SP100: variants seen among roughly 807,000 people sequenced by gnomAD.
SP100 encodes the protein SP100 nuclear body protein.
In SP100, 84 loss-of-function variants were observed where a neutral mutation model predicts 130.0. That is an observed-to-expected ratio of 0.65 (90% CI 0.54 to 0.77). The LOEUF (loss-of-function observed/expected upper bound fraction) is 0.77. Among genes scored for constraint, SP100 ranks in the 30% least tolerant of loss-of-function variants. The pLI, the probability that SP100 is intolerant of heterozygous loss-of-function variation, is 0.00. For synonymous variants in SP100, 331 were observed against 351.7 expected, an observed-to-expected ratio of 0.94 and a Z score of 0.66; for missense variants, 978 against 1,052.2, an observed-to-expected ratio of 0.93 and a Z score of 0.97.
chr2:230,536,771 T>C (rs577532384), intron 24 of SP100, among the ~76,000 whole-genome samples: 26 of 60,438 alleles, frequency 4.3e-4, no homozygotes, highest in Admixed American at 2.0e-3. Context: ...GCAATACTCA[T>C]TGTCTCAGTG....
chr2:230,534,842 T>C (rs1102957), intron 24 of SP100, among the ~76,000 whole-genome samples: 121,765 of 152,156 alleles, frequency 0.8, 49,338 homozygotes, highest in Middle Eastern at 0.91. Context: ...TCTTTAACTA[T>C]GGCTTGCTTA....
intron 24 of SP100, among the ~76,000 whole-genome samples, chr2:230,517,979 A>T (rs34078648): frequency 0.2 from 29,768 of 152,030 alleles, 3,737 homozygotes; most frequent in African/African-American, 0.36. Flanking sequence ...TTGATCATAT[A>T]CAAAATTTAT....
chr2:230,494,475 G>A lies in SP100; in HGVS notation c.1645+15G>A. 6 of 1,593,370 alleles carry A rather than the reference G, an allele frequency of 3.8e-6. No individual in the cohort carries two copies. Among genetic ancestry groups the A allele is most frequent in the African/African-American group, 2.7e-5 (2 of 74,570 alleles). ...TCTCCAAAGAGGTAAGAAGAAATGT[G>A]GGGATTTACTCCTTTGAACTCGCTG... On this transcript the variant is annotated intron_variant, in intron 18 of 28. Coordinates refer to ENST00000340126, the MANE Select transcript of SP100 (RefSeq NM_001080391.2).
chr2:230,451,689 G>A (rs1022678232), intron 8 of SP100, among the ~76,000 whole-genome samples: 1 of 152,164 alleles, frequency 6.6e-6, no homozygotes, highest in Non-Finnish European at 1.5e-5. Flanking sequence ...TGTGCTTCTG[G>A]TGTTATACCC....
At chr2:230,513,590 C>T (rs539285809) in intron 24 of SP100, among the ~76,000 whole-genome samples, 57 of 152,082 alleles carry the variant, frequency 3.7e-4, no homozygotes, top group African/African-American at 1.3e-3. Context: ...AGATGTTCTT[C>T]ATTCCTTGTC....
At chr2:230,525,819 T>A (rs1438075236) in intron 24 of SP100, among the ~76,000 whole-genome samples, 1 of 152,220 alleles carries the variant, frequency 6.6e-6, no homozygotes, top group East Asian at 1.9e-4. Flanking sequence ...GAGATCAACC[T>A]GTGATGCTGC....
chr2:230,485,006 T>C (rs547690458), intron 17 of SP100, among the ~76,000 whole-genome samples: 2 of 152,282 alleles, frequency 1.3e-5, no homozygotes, highest in Non-Finnish European at 1.5e-5. Context: ...CATAGGTCAC[T>C]ACAGCCTTGA....
intron 18 of SP100, among the ~76,000 whole-genome samples, chr2:230,497,214 G>A (rs758268440): frequency 6.6e-6 from 1 of 152,018 alleles, no homozygotes; most frequent in Non-Finnish European, 1.5e-5. Flanking sequence ...CGAGTAAACG[G>A]AACTAAACTA....
At chr2:230,541,492 T>A (rs1692175134) in intron 27 of SP100, 120 bp downstream of exon 27, 3 of 794,914 alleles carry the variant, frequency 3.8e-6, no homozygotes, top group South Asian at 3.3e-5. Flanking sequence ...CAGGCTACTA[T>A]AGAAATTTAT....
At chr2:230,529,887 T>C (rs1325952359) in intron 24 of SP100, among the ~76,000 whole-genome samples, 1 of 152,128 alleles carries the variant, frequency 6.6e-6, no homozygotes, top group Admixed American at 6.6e-5. Context: ...GTGAAGGACC[T>C]CTTCAAGGAG....
chr2:230,474,552 T>G, intron 17 of SP100, 105 bp downstream of exon 17: 1 of 646,322 alleles, frequency 1.5e-6, no homozygotes, highest in South Asian at 2.0e-5. Flanking sequence ...TTATTATAGA[T>G]TAAAGGGTGC....
At chr2:230,498,705 AAC>A (rs2066838598) in intron 19 of SP100, among the ~76,000 whole-genome samples, 170 bp downstream of exon 19, 1 of 152,174 alleles carries the variant, frequency 6.6e-6, no homozygotes, top group African/African-American at 2.4e-5. Context: ...TAACACCACA[AAC>A]AAGTAGCTAG....
chr2:230,536,579 GCCTAA>G (rs1364718974), intron 24 of SP100, among the ~76,000 whole-genome samples: 2 of 152,148 alleles, frequency 1.3e-5, no homozygotes, highest in East Asian at 3.9e-4. Flanking sequence ...CCTTATGACT[GCCTAA>G]CCAATAATCT....
At chr2:230,423,614 A>C (rs2062835978) in intron 2 of SP100, among the ~76,000 whole-genome samples, 1 of 151,916 alleles carries the variant, frequency 6.6e-6, no homozygotes. Flanking sequence ...ATTTACTTGC[A>C]GTGTTTCTTA....
At chr2:230,421,424 C>T (rs2062764541) in intron 2 of SP100, among the ~76,000 whole-genome samples, 1 of 151,764 alleles carries the variant, frequency 6.6e-6, no homozygotes, top group African/African-American at 2.4e-5. Context: ...TACATGTATA[C>T]CTCTTTCTTG....
chr2:230,539,205 T>G, intron 24 of SP100, 62 bp from the exon 25 acceptor site: 1 of 976,114 alleles, frequency 1.0e-6, no homozygotes, highest in Non-Finnish European at 1.7e-6. Context: ...CATAAAAAGG[T>G]CACATATTCT....
intron 2 of SP100, among the ~76,000 whole-genome samples, chr2:230,418,703 T>C (rs76014793): frequency 6.6e-6 from 1 of 152,224 alleles, no homozygotes; most frequent in Non-Finnish European, 1.5e-5. Flanking sequence ...GAGTTCACCG[T>C]TGATTGATTA....
intron 17 of SP100, among the ~76,000 whole-genome samples, chr2:230,491,666 C>A (rs1247410181): frequency 6.6e-6 from 1 of 152,186 alleles, no homozygotes; most frequent in East Asian, 1.9e-4. Flanking sequence ...TGAGAACTGA[C>A]TATCATGAGA....
intron 8 of SP100, among the ~76,000 whole-genome samples, chr2:230,453,827 G>A (rs890601809): frequency 1.3e-5 from 2 of 152,144 alleles, no homozygotes; most frequent in African/African-American, 4.8e-5. Context: ...GAGTTTGGAA[G>A]TAGTCCCTCT....
Sources: gnomAD v4.1 joint callset for allele counts (sites outside exome capture counted in the v4.1 genomes callset) on GRCh38, gnomAD v4.1.1 for gene constraint, MANE v1.5 for transcripts, NCBI Gene and HGNC (gene_info 2026-07-23, HGNC 2026-07-21) for gene names.